The following ATP6V1H variants were observed in gnomAD, a reference collection of about 807,000 sequenced individuals.
The protein encoded by ATP6V1H is ATPase H+ transporting V1 subunit H.
Under a neutral mutation model 71.7 loss-of-function variants are expected in ATP6V1H, and 39 were observed. That is an observed-to-expected ratio of 0.54 (90% CI 0.42 to 0.71). The LOEUF (loss-of-function observed/expected upper bound fraction) is 0.71. Ranked by LOEUF, ATP6V1H falls within the 30% of genes least tolerant of loss-of-function variation. ATP6V1H has a pLI of 0.00. For synonymous variants in ATP6V1H, 192 were observed against 199.3 expected (o/e 0.96, Z 0.31); for missense variants, 509 against 594.9 (o/e 0.86, Z 1.50).
chr8:53,742,597 C>T (rs1362590191), intron 13 of ATP6V1H, among the ~76,000 whole-genome samples: 1 of 152,072 alleles, frequency 6.6e-6, no homozygotes, highest in Non-Finnish European at 1.5e-5. Context: ...TATCAGGGTA[C>T]AAAGCTAGCA....
intron 6 of ATP6V1H, among the ~76,000 whole-genome samples, chr8:53,812,183 A>G (rs957903578): frequency 1.3e-5 from 2 of 152,152 alleles, no homozygotes; most frequent in Non-Finnish European, 2.9e-5. Flanking sequence ...AGAGCCAAGC[A>G]GAAGCAGTAG....
intron 9 of ATP6V1H, among the ~76,000 whole-genome samples, chr8:53,776,248 G>C (rs190026288): frequency 2.6e-5 from 4 of 152,146 alleles, no homozygotes; most frequent in Admixed American, 6.5e-5. Context: ...CGCAAGCGCC[G>C]CACGCAGCCC....
chr8:53,736,006 A>C (rs1585729489), intron 13 of ATP6V1H, among the ~76,000 whole-genome samples: 1 of 152,320 alleles, frequency 6.6e-6, no homozygotes, highest in Non-Finnish European at 1.5e-5. Context: ...CTCTAGTCAC[A>C]CACCAGAAGC....
chr8:53,747,560 G>A lies in ATP6V1H; in HGVS notation c.1278-3870C>T, dbSNP rs533646426. ...TTTTTCCTTTTTTTTCCTTTTTTGA[G>A]ATGGAGACTCGCTCCATTGCCCAGG... is the stretch of plus-strand genomic sequence containing the variant. On this transcript the variant is annotated intron_variant, in intron 12 of 13. Coordinates refer to ENST00000359530, the MANE Select transcript of ATP6V1H (RefSeq NM_015941.4). Among the ~76,000 whole-genome samples, 34 of 146,526 alleles carry A rather than the reference G, an allele frequency of 2.3e-4. No individual in the cohort carries two copies. In the East Asian group the frequency reaches 4.5e-3, roughly 19 times the overall value.
intron 6 of ATP6V1H, among the ~76,000 whole-genome samples, chr8:53,812,767 C>T (rs1351723478): frequency 6.6e-6 from 1 of 152,178 alleles, no homozygotes; most frequent in African/African-American, 2.4e-5. Context: ...GATCACAGCT[C>T]ACTACAGCCT....
intron 9 of ATP6V1H, among the ~76,000 whole-genome samples, chr8:53,783,031 T>C (rs1465481592): frequency 6.6e-6 from 1 of 152,220 alleles, no homozygotes; most frequent in Non-Finnish European, 1.5e-5. Context: ...TGCCAGGCTT[T>C]GGTATCAGGA....
In ATP6V1H at chr8:53,841,659, T is replaced by C; in HGVS notation, c.32A>G (p.Asp11Gly). The change falls in exon 2 of 14, where the codon GAT becomes GGT. Residue 11 changes from aspartate to glycine, a missense_variant. Coordinates refer to ENST00000359530, the MANE Select transcript of ATP6V1H (RefSeq NM_015941.4). The part of the protein sequence containing the change: MTKMDIRGAV[D>G]AAVPTNIIAA... ...AATAATATTGGTGGGGACAGCAGCA[T>C]CCACAGCACCTCGGATATCCATTTT... 6.2e-7 allele frequency: 1 copy of C among 1,614,066 alleles called. No individual in the cohort carries two copies.
chr8:53,736,576 C>T (rs1327229810), intron 13 of ATP6V1H, among the ~76,000 whole-genome samples: 1 of 152,196 alleles, frequency 6.6e-6, no homozygotes, highest in East Asian at 1.9e-4. Flanking sequence ...ATAAAACTGG[C>T]AGAGCTTAAC....
chr8:53,787,699 A>G (rs1385931557), intron 9 of ATP6V1H, among the ~76,000 whole-genome samples: 1 of 152,230 alleles, frequency 6.6e-6, no homozygotes, highest in Admixed American at 6.5e-5. Flanking sequence ...ATGATCTTCA[A>G]TGTCTTTATC....
chr8:53,794,079 A>C (rs1319008978), intron 9 of ATP6V1H, among the ~76,000 whole-genome samples: 2 of 152,224 alleles, frequency 1.3e-5, no homozygotes, highest in African/African-American at 4.8e-5. Flanking sequence ...CCATCAATAG[A>C]GCACTGGTTA....
chr8:53,807,789 C>T (rs534762079), intron 7 of ATP6V1H, among the ~76,000 whole-genome samples: 1 of 152,278 alleles, frequency 6.6e-6, no homozygotes, highest in South Asian at 2.1e-4. Context: ...CAAAATGATG[C>T]ATTTTATAGC....
At chr8:53,749,669 T>C (rs1807727188) in intron 12 of ATP6V1H, among the ~76,000 whole-genome samples, 1 of 150,706 alleles carries the variant, frequency 6.6e-6, no homozygotes, top group African/African-American at 2.5e-5. Flanking sequence ...TCTTCTATAA[T>C]GGGAGGGATT....
chr8:53,791,998 A>T (rs1809580470), intron 9 of ATP6V1H, among the ~76,000 whole-genome samples: 1 of 152,234 alleles, frequency 6.6e-6, no homozygotes, highest in African/African-American at 2.4e-5. Flanking sequence ...AAATACGAAT[A>T]TGGATAATGA....
At chr8:53,742,526 T>C (rs771874046) in intron 13 of ATP6V1H, among the ~76,000 whole-genome samples, 23 of 152,200 alleles carry the variant, frequency 1.5e-4, no homozygotes, top group East Asian at 9.6e-4. Context: ...CTATGTAAAG[T>C]TGCACCCACT....
chr8:53,791,335 G>C (rs1261742591), intron 9 of ATP6V1H, among the ~76,000 whole-genome samples: 1 of 152,198 alleles, frequency 6.6e-6, no homozygotes, highest in Non-Finnish European at 1.5e-5. Context: ...GCACAAGTTA[G>C]TGTCAGGTGA....
chr8:53,715,842 G>T lies in ATP6V1H; in HGVS notation c.*122C>A. 1.4e-6 allele frequency: 1 copy of T among 721,884 alleles called. No homozygotes were observed. Among genetic ancestry groups the T allele is most frequent in the Admixed American group, 3.5e-5 (1 of 28,792 alleles). The allele number at this position is 721,884 out of a possible 1,614,324, so 44.7% of individuals were successfully genotyped here. On this transcript the variant is annotated 3_prime_UTR_variant, in exon 14 of 14. Transcript: ENST00000359530. Reference sequence around the variant, plus strand: ...TTGTTGTTGTTTGGAAATTAGCATTGGGAAAAGCTATATAACAGAGGAAAT... The same window carrying T: ...TTGTTGTTGTTTGGAAATTAGCATTTGGAAAAGCTATATAACAGAGGAAAT...
chr8:53,728,364 C>T (rs1806890373), intron 13 of ATP6V1H, among the ~76,000 whole-genome samples: 2 of 152,090 alleles, frequency 1.3e-5, no homozygotes, highest in Admixed American at 1.3e-4. Context: ...AAACACTTGC[C>T]AGATTTTTCA....
chr8:53,841,500 C>T, intron 2 of ATP6V1H, 78 bp downstream of exon 2: 1 of 1,466,040 alleles, frequency 6.8e-7, no homozygotes, highest in Non-Finnish European at 9.5e-7. Context: ...CTGTATTTCT[C>T]TCATAGAAGC....
intron 13 of ATP6V1H, among the ~76,000 whole-genome samples, chr8:53,719,112 A>G (rs1806529362): frequency 6.6e-6 from 1 of 152,186 alleles, no homozygotes; most frequent in Admixed American, 6.5e-5. Flanking sequence ...AAAAACACCT[A>G]ACCTATACGA....
Sources: allele counts gnomAD v4.1 joint callset (sites outside exome capture counted in the v4.1 genomes callset), GRCh38; gene constraint gnomAD v4.1.1; transcripts MANE v1.5; gene names NCBI Gene and HGNC (gene_info 2026-07-23, HGNC 2026-07-21).